The following ACTN1 variants were observed in gnomAD, a reference collection of about 807,000 sequenced individuals.
ACTN1 encodes actinin alpha 1.
ACTN1 carries 30 observed loss-of-function variants against 119.6 expected under a neutral mutation model. The ratio of observed to expected loss-of-function variants is 0.25; its 90% CI spans 0.19 to 0.34. ACTN1 has a LOEUF of 0.34. ACTN1 is among the 10% of genes least tolerant of loss of function. The probability of loss-of-function intolerance (pLI) is 1.00; values close to 1 mark genes in which losing one functional copy is unlikely to be tolerated. For missense variants in ACTN1, 764 were observed against 1,223.4 expected (o/e 0.62, Z 5.60); for synonymous variants, 429 against 472.6 (o/e 0.91, Z 1.20).
At chr14:68,978,723 CTCCCCGCGCTCCGGCCCGGCG>C in intron 1 of ACTN1, 1 of 359,008 alleles carries the variant, frequency 2.8e-6, no homozygotes, top group Non-Finnish European at 5.0e-6. Context: ...GCGGCGCCAC[CTCCCCGCGCTCCGGCCCGGCG>C]TTCCCGGGCT....
chr14:68,910,171 C>T (rs1407875357), intron 4 of ACTN1, 129 bp from the exon 5 acceptor site: 1 of 665,034 alleles, frequency 1.5e-6, no homozygotes, highest in African/African-American at 1.8e-5. Context: ...GAGCCCTGGC[C>T]ATCAAGTCTA....
Position 68,882,796 on chromosome 14 carries a change from C to A in ACTN1, c.1818+77G>T. ...ATATGACAATTTTAAATGAAATTGA[C>A]AAAAATCAATTAAAATGGACAAAAA... On this transcript the variant is annotated intron_variant, in intron 15 of 21. Transcript: ENST00000394419. The surrounding 1 kb of genome is among the most constrained non-coding windows in gnomAD (Gnocchi z 4.5). 6.4e-7 allele frequency: 1 copy of A among 1,563,912 alleles called. No homozygotes were observed.
chr14:68,928,188 AG>A (rs1333964361), intron 1 of ACTN1, among the ~76,000 whole-genome samples: 2 of 151,802 alleles, frequency 1.3e-5, no homozygotes, highest in African/African-American at 2.4e-5. Context: ...GAGATAAAGG[AG>A]GAAGAGGCTG....
chr14:68,898,385 A>G (rs974805974), intron 8 of ACTN1, among the ~76,000 whole-genome samples: 2 of 152,220 alleles, frequency 1.3e-5, no homozygotes, highest in Admixed American at 1.3e-4. Flanking sequence ...ACACAGACTT[A>G]TTATACAGCA....
At position 68,899,072 on chromosome 14, in the gene ACTN1, CCA is replaced by C. The variant is rs1281177480; in HGVS notation, c.762+3403_762+3404del. Among the ~76,000 whole-genome samples the C allele has an allele frequency of 7.0e-4, 97 of 137,920 alleles. 1 individual carries two copies. Among genetic ancestry groups the C allele is most frequent in the Admixed American group, 2.0e-3 (29 of 14,366 alleles). 90.5% of individuals were successfully genotyped at this position (137,920 alleles called of 152,430 possible). A position where few individuals can be genotyped will look rare whatever the true frequency, so the allele number is the denominator to read the frequency against. On this transcript the variant is annotated intron_variant, in intron 8 of 21. Transcript: ENST00000394419. ...CCTCACACCACACACACCTCACACA[CCA>C]CACACACACCTCACACCCACAGCAC...
intron 1 of ACTN1, among the ~76,000 whole-genome samples, chr14:68,926,062 C>T (rs1427856002): frequency 6.6e-6 from 1 of 152,182 alleles, no homozygotes; most frequent in African/African-American, 2.4e-5. Context: ...GACAGAGTAA[C>T]CCCGAAGGAA....
chr14:68,887,704 A>T, intron 11 of ACTN1: 1 of 1,383,156 alleles, frequency 7.2e-7, no homozygotes. Context: ...GCTTGCATTT[A>T]CAAAATAGTT....
At chr14:68,884,364 A>G (rs1025633507) in intron 13 of ACTN1, 56 bp from the exon 14 acceptor site, 17 of 1,555,294 alleles carry the variant, frequency 1.1e-5, no homozygotes, top group African/African-American at 8.2e-5. Context: ...ATCATCCCCC[A>G]CTCCTATCAA....
At chr14:68,978,894 C>G in intron 1 of ACTN1, 58 bp downstream of exon 1, 1 of 817,880 alleles carries the variant, frequency 1.2e-6, no homozygotes, top group Admixed American at 3.7e-5. Context: ...GCAGGCAGAG[C>G]GGGTCGGGGC....
intron 3 of ACTN1, among the ~76,000 whole-genome samples, chr14:68,919,334 T>A (rs931561549): frequency 6.6e-6 from 1 of 151,946 alleles, no homozygotes; most frequent in Admixed American, 6.6e-5. Context: ...CTTCACAAAT[T>A]CTCTACACTT....
chr14:68,882,481 G>A lies in ACTN1; in HGVS notation c.1930C>T (p.Pro644Ser). The A allele has an allele frequency of 6.2e-7, 1 of 1,614,204 alleles. No homozygotes were observed. The highest frequency in any genetic ancestry group is 8.5e-7 in the Non-Finnish European group (1 of 1,180,036). ...QFGAQANVIG[P>S]WIQTKMEEIG... The stretch of plus-strand genomic sequence containing the variant: ...ACCTCCATCTTGGTCTGGATCCAGG[G>A]CCCGATGACATTGGCCTGGGCTCCA... The change falls in exon 16 of 22, where the codon CCC becomes TCC. Residue 644 changes from proline to serine, a missense_variant. Coordinates refer to ENST00000394419, the MANE Select transcript of ACTN1 (RefSeq NM_001130004.2). The surrounding 1 kb of genome is among the most constrained non-coding windows in gnomAD (Gnocchi z 4.5).
At chr14:68,883,980 T>G (rs1229589165) in intron 14 of ACTN1, among the ~76,000 whole-genome samples, 188 bp downstream of exon 14, 1 of 152,202 alleles carries the variant, frequency 6.6e-6, no homozygotes, top group African/African-American at 2.4e-5. Flanking sequence ...TAAACCTTTT[T>G]AATTTTTTTT....
intron 4 of ACTN1, 46 bp downstream of exon 4, chr14:68,912,110 G>A (rs1472433780): frequency 6.3e-7 from 1 of 1,580,532 alleles, no homozygotes; most frequent in East Asian, 2.2e-5. Flanking sequence ...AGCCCAGGGA[G>A]GGAGACGAGA....
rs2034007460 is a variant in ACTN1 at position 68,911,586 on chromosome 14, C to T, written c.427+570G>A. On this transcript the variant is annotated intron_variant, in intron 4 of 21. Transcript: ENST00000394419. Reference sequence around the variant, plus strand: ...ACAAATATTTAAAAAATAGTATCTCCATCTCATCTTGTAAAAGTTTGTTTC... The same window carrying T: ...ACAAATATTTAAAAAATAGTATCTCTATCTCATCTTGTAAAAGTTTGTTTC... Among the ~76,000 whole-genome samples, 2 of 152,226 alleles carry T rather than the reference C, an allele frequency of 1.3e-5. 1 individual carries two copies. Among genetic ancestry groups the T allele is most frequent in the South Asian group, 4.1e-4 (2 of 4,836 alleles).
intron 1 of ACTN1, among the ~76,000 whole-genome samples, chr14:68,943,200 G>A (rs918909669): frequency 3.3e-5 from 5 of 152,174 alleles, no homozygotes; most frequent in Admixed American, 1.3e-4. Flanking sequence ...GGCCAGCCCG[G>A]TTTGAGGGAC....
intron 1 of ACTN1, among the ~76,000 whole-genome samples, chr14:68,952,686 T>C (rs1045377068): frequency 6.6e-6 from 1 of 151,894 alleles, no homozygotes; most frequent in Non-Finnish European, 1.5e-5. Context: ...GGTAGGGACT[T>C]TCCCCCACCC....
At chr14:68,978,896 G>A (rs1041616898) in intron 1 of ACTN1, 56 bp downstream of exon 1, 18 of 1,269,158 alleles carry the variant, frequency 1.4e-5, no homozygotes, top group African/African-American at 9.3e-5. Flanking sequence ...AGGCAGAGCG[G>A]GTCGGGGCTG....
intron 1 of ACTN1, among the ~76,000 whole-genome samples, chr14:68,936,082 T>G (rs2035490093): frequency 6.7e-6 from 1 of 149,922 alleles, no homozygotes; most frequent in Non-Finnish European, 1.5e-5. Context: ...CCCTCCTACC[T>G]TGCAGGCTGG....
At position 68,961,622 on chromosome 14, in the gene ACTN1, G is replaced by A. The variant is rs4141763; in HGVS notation, c.105+17330C>T. Among the ~76,000 whole-genome samples the A allele has an allele frequency of 6.5e-3, 997 of 152,304 alleles. 46 individuals are homozygous for A. In the East Asian group the frequency reaches 0.13, roughly 20 times the overall value. On this transcript the variant is annotated intron_variant, in intron 1 of 21. Transcript: ENST00000394419. Reference sequence around the variant, plus strand: ...CTGAGGGACCAGCCCCCAGTGGGTGGTGCCATGGATTTCACAGGGTCTTGG... The same window carrying A: ...CTGAGGGACCAGCCCCCAGTGGGTGATGCCATGGATTTCACAGGGTCTTGG...
Sources: allele counts gnomAD v4.1 joint callset (sites outside exome capture counted in the v4.1 genomes callset), GRCh38; gene constraint gnomAD v4.1.1; non-coding constraint Gnocchi (gnomAD v3.1); transcripts MANE v1.5; gene names NCBI Gene and HGNC (gene_info 2026-07-23, HGNC 2026-07-21).